Variants in MINK1 observed in about 807,000 individuals in gnomAD.
MINK1 encodes the protein misshapen-like kinase 1.
Under a neutral mutation model 178.4 loss-of-function variants are expected in MINK1, and 46 were observed. The ratio of observed to expected loss-of-function variants is 0.26; its 90% CI spans 0.20 to 0.33. The LOEUF (loss-of-function observed/expected upper bound fraction) is 0.33. Among genes scored for constraint, MINK1 ranks in the 10% least tolerant of loss-of-function variants. MINK1 has a pLI of 1.00. For missense variants in MINK1, 1,366 were observed against 1,814.9 expected (o/e 0.75, Z 4.49); for synonymous variants, 797 against 709.7 (o/e 1.12, Z -1.96).
chr17:4,892,297 C>T (rs1047836965), intron 17 of MINK1, 63 bp downstream of exon 17: 4 of 1,501,848 alleles, frequency 2.7e-6, no homozygotes, highest in Admixed American at 2.0e-5. Context: ...GTAGGGGGGG[C>T]ACAGGGACTT....
At position 4,894,626 on chromosome 17, in the gene MINK1, C is replaced by T. The variant is rs1321253716; in HGVS notation, c.2910C>T (p.Pro970=). 1 of 1,602,106 alleles carries T rather than the reference C, an allele frequency of 6.2e-7. No homozygotes were observed. Among genetic ancestry groups the T allele is most frequent in the South Asian group, 1.1e-5 (1 of 88,994 alleles). ...YQPGGSGDSI[P]ITALVGGEGT... Reference sequence around the variant, plus strand: ...CTGGAGGCAGTGGGGACAGCATCCCCATCACAGGTGAGGACAGGAGGACAG... The same window carrying T: ...CTGGAGGCAGTGGGGACAGCATCCCTATCACAGGTGAGGACAGGAGGACAG... The change falls in exon 24 of 32, where the codon CCC becomes CCT. Residue 970 remains proline, a synonymous_variant. Transcript: ENST00000355280. The surrounding 1 kb of genome is among the most constrained non-coding windows in gnomAD (Gnocchi z 4.1).
Position 4,891,734 on chromosome 17 carries a change from G to A in MINK1, c.2001+18G>A. 6.3e-7 allele frequency: 1 copy of A among 1,590,160 alleles called. No homozygotes were observed. The highest frequency in any genetic ancestry group is 8.6e-7 in the Non-Finnish European group (1 of 1,167,946). On this transcript the variant is annotated intron_variant, in intron 16 of 31. Coordinates refer to ENST00000355280, the MANE Select transcript of MINK1 (RefSeq NM_153827.5). ...CACCCAAGGTAAGGACAGTTCTGCA[G>A]GCCCAGGGAAAAGCAGAGAGCTAGT...
chr17:4,886,517 G>T lies in MINK1; in HGVS notation c.840G>T (p.Thr280=). 1 of 1,613,684 alleles carries T rather than the reference G, an allele frequency of 6.2e-7. No individual in the cohort carries two copies. Reference sequence around the variant, plus strand: ...AGACTTACCTGAGCCGCCCACCCACGGAGCAGCTACTGAAGTTTCCCTTCA... The same window carrying T: ...AGACTTACCTGAGCCGCCCACCCACTGAGCAGCTACTGAAGTTTCCCTTCA... ...LIKTYLSRPP[T]EQLLKFPFIR... Residue 280 remains threonine, a synonymous_variant, in exon 10 of 32, where the codon ACG becomes ACT. Transcript: ENST00000355280. The surrounding 1 kb of genome is among the most constrained non-coding windows in gnomAD (Gnocchi z 6.1).
chr17:4,835,149 G>A (rs1909116322), intron 1 of MINK1, among the ~76,000 whole-genome samples: 1 of 152,148 alleles, frequency 6.6e-6, no homozygotes, highest in African/African-American at 2.4e-5. Context: ...AGATTCTTAA[G>A]GTCAGCTTGG....
chr17:4,844,807 A>G (rs1910765683), intron 1 of MINK1, among the ~76,000 whole-genome samples: 1 of 152,178 alleles, frequency 6.6e-6, no homozygotes, highest in Admixed American at 6.5e-5. Flanking sequence ...AGGCTGTCTC[A>G]TTTCCCCCCA....
chr17:4,877,956 G>A (rs967011455), intron 1 of MINK1, among the ~76,000 whole-genome samples: 11 of 151,852 alleles, frequency 7.2e-5, no homozygotes, highest in African/African-American at 2.2e-4. Context: ...GACTACAGGC[G>A]CCCGCAACCA....
In MINK1 at chr17:4,893,251, C is replaced by T. The variant is rs74354397; in HGVS notation, c.2401-183C>T. On this transcript the variant is annotated intron_variant, in intron 20 of 31. Coordinates refer to ENST00000355280, the MANE Select transcript of MINK1 (RefSeq NM_153827.5). ...TCTCCTAACCTCTCTCCTAACCTCT[C>T]TTCTGGCTCTTTCTTCCCCTGCGGC... 2.1e-3 allele frequency: 3,317 copies of T among 1,612,590 alleles called. 68 individuals carry two copies. The African/African-American group carries it at 0.039, about 19-fold the overall frequency.
At chr17:4,867,971 C>G (rs556740853) in intron 1 of MINK1, among the ~76,000 whole-genome samples, 2 of 142,384 alleles carry the variant, frequency 1.4e-5, no homozygotes, top group Non-Finnish European at 3.1e-5. Flanking sequence ...TCTTCTAGCT[C>G]TTTTTTTTTT....
Position 4,895,330 on chromosome 17 carries a change from C to T in MINK1, c.3086-20C>T, listed in dbSNP as rs1969337419. 3.1e-6 allele frequency: 5 copies of T among 1,602,798 alleles called. No individual in the cohort carries two copies. Among genetic ancestry groups the T allele is most frequent in the Non-Finnish European group, 4.3e-6 (5 of 1,173,314 alleles). On this transcript the variant is annotated intron_variant, in intron 25 of 31. Transcript: ENST00000355280. The surrounding 1 kb of genome is among the most constrained non-coding windows in gnomAD (Gnocchi z 4.3). ...AGGGCCTGGCTGAGCCTCTGACCTG[C>T]CCAAGGGCTCCTGTTGCAGGGGTCA...
At chr17:4,840,907 GGA>G (rs1567554441) in intron 1 of MINK1, among the ~76,000 whole-genome samples, 1 of 152,084 alleles carries the variant, frequency 6.6e-6, no homozygotes, top group Admixed American at 6.6e-5. Context: ...TGGGCTGTGA[GGA>G]GAGTTTGGTG....
At chr17:4,854,724 CA>C in intron 1 of MINK1, 1 of 484,836 alleles carries the variant, frequency 2.1e-6, no homozygotes, top group Non-Finnish European at 4.1e-6. Context: ...TCCAGTGCTT[CA>C]TTCCCATAAA....
intron 20 of MINK1, 36 bp from the exon 21 acceptor site, chr17:4,893,398 G>A (rs1196497624): frequency 1.2e-6 from 2 of 1,600,992 alleles, no homozygotes. Context: ...CCCAGGCCCA[G>A]CTTCTCCCTG....
rs1335808118 is a variant in MINK1, at chr17:4,896,606, C to T, written c.3775+18C>T. On this transcript the variant is annotated intron_variant, in intron 30 of 31. Transcript: ENST00000355280. The surrounding 1 kb of genome is among the most constrained non-coding windows in gnomAD (Gnocchi z 4.6). ...TTCTGTGGGTGAGTGAGCTGCCGCC[C>T]TCCCAGCCACATGCCCCGAGGTGGC... 1 of 1,613,286 alleles carries T rather than the reference C, an allele frequency of 6.2e-7. No homozygotes were observed. The highest frequency in any genetic ancestry group is 8.5e-7 in the Non-Finnish European group (1 of 1,179,492).
chr17:4,883,698 C>CT (rs35648380), intron 4 of MINK1, among the ~76,000 whole-genome samples: 2,712 of 123,076 alleles, frequency 0.022, 45 homozygotes, highest in African/African-American at 0.046. Flanking sequence ...CGCCCGGCTA[C>CT]TTTTTTTTTT....
chr17:4,880,757 G>A (rs550408864), intron 2 of MINK1, among the ~76,000 whole-genome samples: 15 of 151,972 alleles, frequency 9.9e-5, no homozygotes, highest in South Asian at 6.2e-4. Flanking sequence ...AAAATTAGCC[G>A]GGCGAGGTGG....
intron 1 of MINK1, among the ~76,000 whole-genome samples, chr17:4,870,040 T>C (rs944726908): frequency 4.0e-5 from 6 of 151,332 alleles, no homozygotes; most frequent in Admixed American, 2.6e-4. Context: ...CCTGAGTAGC[T>C]GGGACTACAG....
chr17:4,841,094 G>A (rs1910149099), intron 1 of MINK1, among the ~76,000 whole-genome samples: 3 of 152,242 alleles, frequency 2.0e-5, no homozygotes, highest in Middle Eastern at 3.4e-3. Context: ...AGGGCCACAC[G>A]GGACAGGCGA....
chr17:4,868,998 A>G (rs1323281149), intron 1 of MINK1: 1 of 154,306 alleles, frequency 6.5e-6, no homozygotes, highest in African/African-American at 2.4e-5. Flanking sequence ...ATCTCTGCTC[A>G]CTGCAAGCTC....
At chr17:4,851,111 C>G (rs973089146) in intron 1 of MINK1, 9 of 438,914 alleles carry the variant, frequency 2.1e-5, no homozygotes, top group South Asian at 1.4e-4. Flanking sequence ...ACACTTCACC[C>G]TAAATCCCAG....
Sources: gnomAD v4.1 joint callset for allele counts (sites outside exome capture counted in the v4.1 genomes callset) on GRCh38, gnomAD v4.1.1 for gene constraint, Gnocchi (gnomAD v3.1) non-coding constraint, MANE v1.5 for transcripts, NCBI Gene and HGNC (gene_info 2026-07-23, HGNC 2026-07-21) for gene names.